Variants in MALRD1 observed in about 807,000 individuals in gnomAD.
MALRD1 encodes MAM and LDL receptor class A domain containing 1.
In MALRD1, 247 loss-of-function variants were observed where a neutral mutation model predicts 242.1. That is an observed-to-expected ratio of 1.02 (90% CI 0.92 to 1.13). The LOEUF (loss-of-function observed/expected upper bound fraction) is 1.13, where lower values mean the gene tolerates loss of function less well. MALRD1 is among the 50% of genes most tolerant of loss of function. MALRD1 has a pLI of 0.00. For missense variants in MALRD1, 2,989 were observed against 2,533.1 expected (o/e 1.18, Z -3.86); for synonymous variants, 995 against 866.6 (o/e 1.15, Z -2.60).
intron 29 of MALRD1, among the ~76,000 whole-genome samples, chr10:19,457,848 A>G (rs1033848632): frequency 2.0e-5 from 3 of 151,806 alleles, no homozygotes; most frequent in African/African-American, 7.3e-5. Context: ...AGTATTTTAA[A>G]ACATTGTTAA....
intron 2 of MALRD1, among the ~76,000 whole-genome samples, chr10:19,077,482 G>T (rs1290856731): frequency 6.6e-6 from 1 of 151,872 alleles, no homozygotes; most frequent in Non-Finnish European, 1.5e-5. Context: ...TTTAAGTATT[G>T]AGAAATTATT....
chr10:19,356,546 A>T (rs1467473476), intron 26 of MALRD1, among the ~76,000 whole-genome samples: 3 of 152,188 alleles, frequency 2.0e-5, no homozygotes, highest in South Asian at 4.1e-4. Context: ...ATAAAGTATT[A>T]ATGAGATATT....
intron 29 of MALRD1, among the ~76,000 whole-genome samples, chr10:19,488,003 A>C (rs1837310449): frequency 6.6e-6 from 1 of 152,166 alleles, no homozygotes; most frequent in Admixed American, 6.5e-5. Context: ...TTGTCAGTAA[A>C]TTACCTCCAC....
intron 14 of MALRD1, among the ~76,000 whole-genome samples, chr10:19,184,916 A>G (rs965875253): frequency 6.6e-6 from 1 of 152,200 alleles, no homozygotes; most frequent in Admixed American, 6.5e-5. Flanking sequence ...GCTAATAAAC[A>G]ATCATATCAA....
chr10:19,107,509 G>C (rs1836505271), intron 5 of MALRD1, among the ~76,000 whole-genome samples: 1 of 147,226 alleles, frequency 6.8e-6, no homozygotes, highest in South Asian at 2.1e-4. Context: ...TAGTTTCTCA[G>C]TCTATGGGTA....
intron 29 of MALRD1, among the ~76,000 whole-genome samples, chr10:19,483,901 T>C (rs886301652): frequency 6.6e-6 from 1 of 152,082 alleles, no homozygotes; most frequent in Non-Finnish European, 1.5e-5. Flanking sequence ...GTGGATTGAA[T>C]AAAGAAAATG....
At chr10:19,290,052 G>A (rs1841333948) in intron 21 of MALRD1, among the ~76,000 whole-genome samples, 2 of 152,168 alleles carry the variant, frequency 1.3e-5, no homozygotes, top group Non-Finnish European at 2.9e-5. Flanking sequence ...AGAAGCCACA[G>A]TATGGTAGGA....
At chr10:19,724,093 C>G (rs1341245559) in intron 38 of MALRD1, among the ~76,000 whole-genome samples, 1 of 152,064 alleles carries the variant, frequency 6.6e-6, no homozygotes, top group Admixed American at 6.6e-5. Flanking sequence ...AGCTTTTGAG[C>G]TCATTTTTCT....
chr10:19,151,723 T>G (rs1833951857), intron 11 of MALRD1, among the ~76,000 whole-genome samples: 1 of 152,170 alleles, frequency 6.6e-6, no homozygotes, highest in African/African-American at 2.4e-5. Context: ...TTAAAAAAAT[T>G]AAGAAATTGA....
chr10:19,415,613 G>T lies in MALRD1; in HGVS notation c.4845+26004G>T, dbSNP rs190291674. 2.0e-3 allele frequency among the ~76,000 whole-genome samples: 301 copies of T among 152,218 alleles called. 6 individuals carry two copies. The South Asian group carries it at 0.023, about 12-fold the overall frequency. On this transcript the variant is annotated intron_variant, in intron 28 of 39. Transcript: ENST00000454679. ...ATTCAAATTATCAGATTATTTTAAA[G>T]TTGACTAATTTTTTAAAAATTCATA...
chr10:19,195,358 T>C lies in MALRD1; in HGVS notation c.1952-8370T>C, dbSNP rs570686695. On this transcript the variant is annotated intron_variant, in intron 14 of 39. Coordinates refer to ENST00000454679, the MANE Select transcript of MALRD1 (RefSeq NM_001142308.3). ...CTTCTCATCTTTGCTTCTTTTTCTT[T>C]CTGGCTCTGACGTCTAGACCTTAGA... is the stretch of plus-strand genomic sequence containing the variant. Among the ~76,000 whole-genome samples the C allele has an allele frequency of 1.4e-4, 21 of 152,328 alleles. No individual in the cohort carries two copies. In the South Asian group the frequency reaches 4.3e-3, roughly 32 times the overall value.
chr10:19,342,167 T>G lies in MALRD1; in HGVS notation c.3902-5604T>G, dbSNP rs934303598. Among the ~76,000 whole-genome samples the G allele has an allele frequency of 3.9e-5, 6 of 152,260 alleles. No individual in the cohort carries two copies. The East Asian group carries it at 1.2e-3, about 29-fold the overall frequency. On this transcript the variant is annotated intron_variant, in intron 24 of 39. Coordinates refer to ENST00000454679, the MANE Select transcript of MALRD1 (RefSeq NM_001142308.3). The stretch of plus-strand genomic sequence containing the variant: ...AAACTTTTTATCATTTCGTAATTAG[T>G]GCTCCGCTGTGGTAAAAATTAATTT...
At chr10:19,282,934 A>T in intron 20 of MALRD1, 85 bp from the exon 21 acceptor site, 1 of 931,672 alleles carries the variant, frequency 1.1e-6, no homozygotes. Context: ...AATTAAAAAC[A>T]AGAGTAAGAA....
intron 14 of MALRD1, among the ~76,000 whole-genome samples, chr10:19,191,019 C>A (rs1835952326): frequency 6.6e-6 from 1 of 152,010 alleles, no homozygotes; most frequent in African/African-American, 2.4e-5. Flanking sequence ...AAAAAGGCAA[C>A]CCCAAGAAGG....
chr10:19,419,032 A>G (rs12247852), intron 28 of MALRD1, among the ~76,000 whole-genome samples: 23,087 of 152,102 alleles, frequency 0.15, 2,435 homozygotes, highest in African/African-American at 0.3. Context: ...GTGGTTTCCC[A>G]TAACCACAGA....
chr10:19,574,256 G>T (rs1251206740), intron 33 of MALRD1, among the ~76,000 whole-genome samples: 1 of 152,178 alleles, frequency 6.6e-6, no homozygotes, highest in Non-Finnish European at 1.5e-5. Context: ...TAAAGGCAGA[G>T]ATCTTTGTCA....
chr10:19,055,006 A>G (rs555906019), intron 1 of MALRD1, among the ~76,000 whole-genome samples: 194 of 152,302 alleles, frequency 1.3e-3, no homozygotes, highest in Non-Finnish European at 2.3e-3. Flanking sequence ...ACTAATTTAC[A>G]TTCACACCAA....
intron 29 of MALRD1, among the ~76,000 whole-genome samples, chr10:19,463,437 C>A (rs1836047567): frequency 6.6e-6 from 1 of 151,890 alleles, no homozygotes; most frequent in Non-Finnish European, 1.5e-5. Context: ...CGAGTAAGAG[C>A]ATAGGATGTT....
intron 38 of MALRD1, among the ~76,000 whole-genome samples, chr10:19,706,167 GAA>G (rs1396987468): frequency 6.6e-6 from 1 of 152,140 alleles, no homozygotes; most frequent in African/African-American, 2.4e-5. Context: ...GAAAATAAAA[GAA>G]AATGCAGAAA....
Sources: gnomAD v4.1 joint callset for allele counts (sites outside exome capture counted in the v4.1 genomes callset) on GRCh38, gnomAD v4.1.1 for gene constraint, MANE v1.5 for transcripts, NCBI Gene and HGNC (gene_info 2026-07-23, HGNC 2026-07-21) for gene names.